The following GMDS variants were observed in gnomAD, a reference collection of about 807,000 sequenced individuals.
GMDS encodes the protein GDP-mannose 4,6 dehydratase.
GMDS carries 20 observed loss-of-function variants against 49.9 expected under a neutral mutation model. The observed-to-expected ratio is 0.40, with a 90% CI of 0.28 to 0.58. The LOEUF (loss-of-function observed/expected upper bound fraction) is 0.58, where lower values mean the gene tolerates loss of function less well. GMDS is among the 20% of genes least tolerant of loss of function. The pLI, the probability that GMDS is intolerant of heterozygous loss-of-function variation, is 0.42. For synonymous variants in GMDS, 177 were observed against 178.6 expected (o/e 0.99, Z 0.07); for missense variants, 362 against 481.4 (o/e 0.75, Z 2.32).
chr6:2,112,584 C>T (rs1774610247), intron 4 of GMDS, among the ~76,000 whole-genome samples: 1 of 152,122 alleles, frequency 6.6e-6, no homozygotes, highest in African/African-American at 2.4e-5. Context: ...AAGCTTTACC[C>T]ATCATATTCT....
Position 1,907,794 on chromosome 6 carries a change from T to C in GMDS, c.771+22309A>G, listed in dbSNP as rs112370818. The stretch of plus-strand genomic sequence containing the variant: ...GTTATAAACATAAGTTGCATGTCCA[T>C]ATAAAAGAGACAATAACTGGCCAAT... On this transcript the variant is annotated intron_variant, in intron 7 of 10. Transcript: ENST00000380815. 6.6e-3 allele frequency among the ~76,000 whole-genome samples: 1,010 copies of C among 152,306 alleles called. 18 individuals are homozygous for C. Among genetic ancestry groups the C allele is most frequent in the African/African-American group, 0.023 (956 of 41,552 alleles).
At chr6:1,974,380 G>T (rs979042068) in intron 4 of GMDS, among the ~76,000 whole-genome samples, 1 of 152,114 alleles carries the variant, frequency 6.6e-6, no homozygotes, top group Non-Finnish European at 1.5e-5. Context: ...GCTCAAGAAA[G>T]AACAGAGTGG....
chr6:1,998,125 G>A (rs1377670722), intron 4 of GMDS, among the ~76,000 whole-genome samples: 5 of 152,122 alleles, frequency 3.3e-5, no homozygotes, highest in Non-Finnish European at 7.3e-5. Context: ...TGATCTGAAA[G>A]TGACCTTCCA....
intron 4 of GMDS, among the ~76,000 whole-genome samples, chr6:2,060,064 C>T (rs1562015285): frequency 6.6e-6 from 1 of 152,122 alleles, no homozygotes; most frequent in Non-Finnish European, 1.5e-5. Flanking sequence ...CACTAAGCTA[C>T]GTTTTCCTTT....
intron 1 of GMDS, among the ~76,000 whole-genome samples, chr6:2,202,688 A>G (rs1363309601): frequency 6.6e-6 from 1 of 152,106 alleles, no homozygotes; most frequent in East Asian, 1.9e-4. Context: ...CTACTGCATG[A>G]AAGAGCTATT....
chr6:1,973,706 A>C (rs889948991), intron 4 of GMDS, among the ~76,000 whole-genome samples: 11 of 152,206 alleles, frequency 7.2e-5, no homozygotes, highest in Non-Finnish European at 1.6e-4. Context: ...AATTACATTT[A>C]AAATGGTCAC....
At chr6:2,029,280 C>T (rs1707286213) in intron 4 of GMDS, among the ~76,000 whole-genome samples, 1 of 152,048 alleles carries the variant, frequency 6.6e-6, no homozygotes, top group Admixed American at 6.6e-5. Context: ...AGATATTTTG[C>T]AACTACATTA....
intron 7 of GMDS, among the ~76,000 whole-genome samples, chr6:1,782,824 C>T (rs1382986272): frequency 1.3e-5 from 2 of 152,160 alleles, no homozygotes; most frequent in South Asian, 2.1e-4. Context: ...CTCAGAATAA[C>T]GTTGTAAAGG....
intron 4 of GMDS, among the ~76,000 whole-genome samples, chr6:2,059,687 G>T (rs1180805698): frequency 1.9e-5 from 1 of 51,668 alleles, no homozygotes; most frequent in Non-Finnish European, 3.5e-5. Context: ...CAGCCTGGGC[G>T]ACAGAGCGAG....
intron 4 of GMDS, among the ~76,000 whole-genome samples, chr6:1,979,424 C>A (rs990583255): frequency 4.6e-5 from 7 of 151,912 alleles, no homozygotes; most frequent in African/African-American, 1.7e-4. Context: ...GCAGAATAGA[C>A]CAAGTGGAGA....
chr6:1,709,214 C>A (rs1482398059), intron 9 of GMDS, among the ~76,000 whole-genome samples: 1 of 152,232 alleles, frequency 6.6e-6, no homozygotes, highest in East Asian at 1.9e-4. Flanking sequence ...GTGCCAGCCA[C>A]CCTTGTAGTG....
At chr6:1,999,529 T>A (rs754172344) in intron 4 of GMDS, among the ~76,000 whole-genome samples, 6 of 151,740 alleles carry the variant, frequency 4.0e-5, no homozygotes, top group African/African-American at 9.7e-5. Context: ...GCATGAAGAT[T>A]TTGCTACAGT....
At position 1,870,955 on chromosome 6, in the gene GMDS, T is replaced by C. The variant is rs189654117; in HGVS notation, c.771+59148A>G. 1.2e-4 allele frequency among the ~76,000 whole-genome samples: 19 copies of C among 152,274 alleles called. 1 individual carries two copies. The highest frequency in any genetic ancestry group is 1.1e-3 in the Admixed American group (17 of 15,288). On this transcript the variant is annotated intron_variant, in intron 7 of 10. Transcript: ENST00000380815. ...CTGGGTCTGCTGCAGACATTTACTA[T>C]TTTGCATATGAAACAAATCGAGGTT...
chr6:2,179,265 G>T lies in GMDS; in HGVS notation c.103-54534C>A, dbSNP rs1778415737. ...TAAAACTTGATTTCAAGAAGTAACA[G>T]TATCAAGGTCCACAGAGAAGACAAA... On this transcript the variant is annotated intron_variant, in intron 1 of 10. Coordinates refer to ENST00000380815, the MANE Select transcript of GMDS (RefSeq NM_001500.4). Among the ~76,000 whole-genome samples the T allele has an allele frequency of 3.9e-5, 6 of 152,024 alleles. No homozygotes were observed. In the South Asian group the frequency reaches 1.2e-3, roughly 32 times the overall value.
At chr6:1,674,748 C>G (rs1173150059) in intron 9 of GMDS, among the ~76,000 whole-genome samples, 1 of 148,952 alleles carries the variant, frequency 6.7e-6, no homozygotes, top group African/African-American at 2.5e-5. Flanking sequence ...TGGATTTTTA[C>G]CATGTTGCCC....
At chr6:1,863,413 T>C (rs1758286351) in intron 7 of GMDS, among the ~76,000 whole-genome samples, 2 of 152,202 alleles carry the variant, frequency 1.3e-5, no homozygotes. Flanking sequence ...GCTGTAAAAC[T>C]CTAAGGTATT....
At position 1,804,433 on chromosome 6, in the gene GMDS, C is replaced by T. The variant is rs1413585173; in HGVS notation, c.772-61847G>A. On this transcript the variant is annotated intron_variant, in intron 7 of 10. Coordinates refer to ENST00000380815, the MANE Select transcript of GMDS (RefSeq NM_001500.4). The stretch of plus-strand genomic sequence containing the variant: ...TCATCTCCACCACTGGTAACTGTGG[C>T]GTCTGCCACCTCCACTTCTCCTCTC... Among the ~76,000 whole-genome samples, 5 of 152,352 alleles carry T rather than the reference C, an allele frequency of 3.3e-5. No individual in the cohort carries two copies. The South Asian group carries it at 8.3e-4, about 25-fold the overall frequency.
At chr6:1,835,136 G>A (rs1212465599) in intron 7 of GMDS, among the ~76,000 whole-genome samples, 2 of 152,186 alleles carry the variant, frequency 1.3e-5, no homozygotes, top group Non-Finnish European at 2.9e-5. Context: ...ACGGACGGGA[G>A]GGGCACAGAG....
chr6:2,078,361 T>C (rs1458023211), intron 4 of GMDS, among the ~76,000 whole-genome samples: 1 of 152,126 alleles, frequency 6.6e-6, no homozygotes, highest in African/African-American at 2.4e-5. Context: ...GGTGCATCAT[T>C]AGATTGTTTA....
Sources: allele counts gnomAD v4.1 joint callset (sites outside exome capture counted in the v4.1 genomes callset), GRCh38; gene constraint gnomAD v4.1.1; transcripts MANE v1.5; gene names NCBI Gene and HGNC (gene_info 2026-07-23, HGNC 2026-07-21).